ZNF518A: variants seen among roughly 807,000 people sequenced by gnomAD.
ZNF518A encodes zinc finger protein 518A, also known as zinc finger protein 518.
A neutral mutation model predicts 102.7 loss-of-function variants in ZNF518A; 47 were observed. The ratio of observed to expected loss-of-function variants is 0.46; its 90% confidence interval spans 0.36 to 0.58. The LOEUF (loss-of-function observed/expected upper bound fraction) is 0.58. Among genes scored for constraint, ZNF518A ranks in the 20% least tolerant of loss-of-function variants. ZNF518A has a pLI of 0.00. For missense variants in ZNF518A, 1,793 were observed against 1,699.8 expected (o/e 1.05, Z -0.96); for synonymous variants, 652 against 594.6 (o/e 1.10, Z -1.40).
In ZNF518A at chr10:96,160,916, A is replaced by C. The variant is rs1471519978; in HGVS notation, c.*142A>C. 5.3e-6 allele frequency: 5 copies of C among 934,850 alleles called. No homozygotes were observed. Among genetic ancestry groups the C allele is most frequent in the Non-Finnish European group, 7.4e-6 (5 of 673,254 alleles). The allele number at this position is 934,850 out of a possible 1,614,324, so 57.9% of individuals were successfully genotyped here. A position where few individuals can be genotyped will look rare whatever the true frequency, so the allele number is the denominator to read the frequency against. On this transcript the variant is annotated 3_prime_UTR_variant, in exon 6 of 6. Coordinates refer to ENST00000316045, the MANE Select transcript of ZNF518A (RefSeq NM_001330736.2). ...TAAAAGTTGATTGTATTTCTGTGGA[A>C]GAGTAAAAGTTGTATGTATGATATT...
intron 3 of ZNF518A, among the ~76,000 whole-genome samples, chr10:96,139,168 A>G (rs1186728784): frequency 1.3e-5 from 2 of 152,094 alleles, no homozygotes; most frequent in East Asian, 3.9e-4. Flanking sequence ...GTATATGTAC[A>G]ATGGGGAGAG....
chr10:96,203,805 G>T, intron 2 of ZNF518A: 1 of 327,524 alleles, frequency 3.1e-6, no homozygotes, highest in Non-Finnish European at 5.6e-6. Context: ...AGTTAAAAAA[G>T]GATGCATGAT....
intron 1 of ZNF518A, among the ~76,000 whole-genome samples, chr10:96,183,998 C>T (rs1036986920): frequency 7.9e-5 from 12 of 152,034 alleles, no homozygotes; most frequent in African/African-American, 1.2e-4. Context: ...TGGGTGCTCC[C>T]GTATTGGGTG....
chr10:96,129,945 GA>G (rs1269262244), upstream of ZNF518A: 8 of 152,702 alleles, frequency 5.2e-5, no homozygotes, highest in African/African-American at 1.9e-4. Context: ...AGTCTCGTCA[GA>G]CCGAGCGCGG....
intron 1 of ZNF518A, among the ~76,000 whole-genome samples, chr10:96,175,606 G>T (rs1300769494): frequency 6.6e-6 from 1 of 152,168 alleles, no homozygotes; most frequent in Admixed American, 6.5e-5. Flanking sequence ...GAAAGGGGTT[G>T]GTGAGTGGAA....
At chr10:96,204,628 A>T (rs782369962), downstream of ZNF518A, 2 of 1,613,402 alleles carry the variant, frequency 1.2e-6, no homozygotes, top group Non-Finnish European at 8.5e-7. Context: ...TGGATCAGGA[A>T]AATTATCATA....
intron 3 of ZNF518A, among the ~76,000 whole-genome samples, chr10:96,154,027 A>G (rs1277632203): frequency 1.3e-5 from 2 of 152,200 alleles, no homozygotes; most frequent in African/African-American, 2.4e-5. Context: ...CTACCTCTTC[A>G]TATATTCCAT....
rs782618989 is a variant in ZNF518A at position 96,158,222 on chromosome 10, C to G, written c.1900C>G (p.Gln634Glu). 6.2e-6 allele frequency: 10 copies of G among 1,613,670 alleles called. No individual in the cohort carries two copies. Among genetic ancestry groups the G allele is most frequent in the Non-Finnish European group, 8.5e-6 (10 of 1,179,754 alleles). ...NCELPVESSNQGSLPFHNYSK... is the reference protein window; with the variant it reads ...NCELPVESSNEGSLPFHNYSK... ...TGAGTTACCTGTTGAATCCTCCAAC[C>G]AAGGATCATTACCTTTTCATAATTA... Residue 634 changes from glutamine to glutamate, a missense_variant, in exon 6 of 6, where the codon CAA (glutamine) becomes GAA (glutamate). By Grantham distance (29) the Gln-to-Glu change is conservative. Coordinates refer to ENST00000316045, the MANE Select transcript of ZNF518A (RefSeq NM_001330736.2).
intron 1 of ZNF518A, among the ~76,000 whole-genome samples, chr10:96,182,275 A>AC (rs1367270680): frequency 1.3e-5 from 2 of 152,210 alleles, no homozygotes; most frequent in African/African-American, 4.8e-5. Context: ...TCATCTGCAA[A>AC]CAGGGACAGT....
chr10:96,159,534 A>G lies in ZNF518A; in HGVS notation c.3212A>G (p.Gln1071Arg), dbSNP rs782404594. The G allele has an allele frequency of 3.1e-6, 5 of 1,613,776 alleles. No homozygotes were observed. Among genetic ancestry groups the G allele is most frequent in the Non-Finnish European group, 4.2e-6 (5 of 1,179,808 alleles). ...CTTATTCCTAACATGCTATCTGAGC[A>G]ACAGAGCACTAAGTTGAATATCTCC... ...AVLIPNMLSE[Q>R]QSTKLNISDS... Residue 1071 changes from glutamine (Q) to arginine (R), a missense_variant, in exon 6 of 6, where the codon CAA becomes CGA. By Grantham distance (43) the Gln-to-Arg change is conservative (BLOSUM62 1). This residue lies in a region of ZNF518A where 1,741 missense variants were observed against 1,622.6 expected (regional missense o/e 1.07). Transcript: ENST00000316045.
intron 1 of ZNF518A, among the ~76,000 whole-genome samples, chr10:96,173,516 CATT>C (rs1195066095): frequency 2.0e-5 from 3 of 152,070 alleles, no homozygotes; most frequent in East Asian, 1.9e-4. Flanking sequence ...TTTCAAAAAA[CATT>C]ATTAACTATA....
Position 96,160,348 on chromosome 10 carries a change from G to T in ZNF518A, c.4026G>T (p.Arg1342Ser), listed in dbSNP as rs782208150. ...FSSKQLVKCPRRNQPVVVLNH... is the reference protein window; with the variant it reads ...FSSKQLVKCPSRNQPVVVLNH... ...CTAAACAGCTTGTGAAATGTCCTAG[G>T]AGAAACCAACCAGTTGTAGTTTTGA... Residue 1342 changes from arginine to serine, a missense_variant, in exon 6 of 6, where the codon AGG (arginine) becomes AGT (serine). Transcript: ENST00000316045. 6 of 1,613,600 alleles carry T rather than the reference G, an allele frequency of 3.7e-6. No homozygotes were observed. In the Admixed American group the frequency reaches 1.0e-4, roughly 27 times the overall value.
chr10:96,193,763 C>T (rs2083388072), intron 1 of ZNF518A, among the ~76,000 whole-genome samples: 1 of 152,088 alleles, frequency 6.6e-6, no homozygotes, highest in South Asian at 2.1e-4. Flanking sequence ...CACACAGTGC[C>T]AAAATAGCTG....
intron 1 of ZNF518A, among the ~76,000 whole-genome samples, chr10:96,180,409 A>G (rs1554891915): frequency 6.6e-6 from 1 of 151,548 alleles, no homozygotes; most frequent in Non-Finnish European, 1.5e-5. Flanking sequence ...GGTTTGTTAC[A>G]TATGTATACA....
At chr10:96,147,594 A>G (rs1172466861) in intron 3 of ZNF518A, among the ~76,000 whole-genome samples, 1 of 152,208 alleles carries the variant, frequency 6.6e-6, no homozygotes, top group Non-Finnish European at 1.5e-5. Context: ...GGCAAAATGT[A>G]GAATTCTCGG....
rs782460875 is a variant in ZNF518A, at chr10:96,156,928, T to C, written c.606T>C (p.Cys202=). Residue 202 remains cysteine, a synonymous_variant, in exon 6 of 6, where the codon TGT becomes TGC. Transcript: ENST00000316045. ...CAAAGCATTTCACATCCACACATTG[T>C]GTTAATGGTAATTTTCAATGTGAAA... is the stretch of plus-strand genomic sequence containing the variant. ...NLTKHFTSTH[C]VNGNFQCEKC... is the part of the protein sequence containing the mutation. 6.2e-7 allele frequency: 1 copy of C among 1,613,892 alleles called. No individual in the cohort carries two copies. Among genetic ancestry groups the C allele is most frequent in the Non-Finnish European group, 8.5e-7 (1 of 1,179,812 alleles).
chr10:96,133,931 A>G (rs1450400404), intron 3 of ZNF518A, among the ~76,000 whole-genome samples: 2 of 152,192 alleles, frequency 1.3e-5, no homozygotes, highest in Non-Finnish European at 2.9e-5. Flanking sequence ...ACTTTTTCCT[A>G]TATAATATTT....
chr10:96,200,925 G>T lies in ZNF518A; in HGVS notation n.36-2649G>T, dbSNP rs1258179258. 19 of 1,459,740 alleles carry T rather than the reference G, an allele frequency of 1.3e-5. No homozygotes were observed. Among genetic ancestry groups the T allele is most frequent in the Non-Finnish European group, 1.8e-5 (19 of 1,039,654 alleles). The allele number at this position is 1,459,740 out of a possible 1,614,324, so 90.4% of individuals were successfully genotyped here. On this transcript the variant is annotated intron_variant and non_coding_transcript_variant, in intron 1 of 2. Transcript: ENST00000442635. The surrounding 1 kb of genome is among the most constrained non-coding windows in gnomAD (Gnocchi z 4.3). Reference sequence around the variant, plus strand: ...CAAATGTCTTCTTCTCAGAAGACATGCTCTTTCCTGCAGTTTCCTGGTAAC... The same window carrying T: ...CAAATGTCTTCTTCTCAGAAGACATTCTCTTTCCTGCAGTTTCCTGGTAAC...
Position 96,159,518 on chromosome 10 carries a change from A to G in ZNF518A, c.3196A>G (p.Asn1066Asp). 2 of 1,613,866 alleles carry G rather than the reference A, an allele frequency of 1.2e-6. No individual in the cohort carries two copies. Among genetic ancestry groups the G allele is most frequent in the Non-Finnish European group, 1.7e-6 (2 of 1,179,790 alleles). The stretch of plus-strand genomic sequence containing the variant: ...TTCTGTGAAAGCTGTTCTTATTCCT[A>G]ACATGCTATCTGAGCAACAGAGCAC... ...TSSVKAVLIP[N>D]MLSEQQSTKL... The change falls in exon 6 of 6, where the codon AAC (asparagine) becomes GAC (aspartate). Residue 1066 changes from asparagine (N) to aspartate (D), a missense_variant. By Grantham distance (23) the Asn-to-Asp change is conservative. Around this residue, in one of 3 missense-constraint regions of ZNF518A, gnomAD observed 1,741 missense variants for 1,622.6 expected, o/e 1.07. Transcript: ENST00000316045.
Sources: allele counts gnomAD v4.1 joint callset (sites outside exome capture counted in the v4.1 genomes callset), GRCh38; gene constraint gnomAD v4.1.1; regional missense constraint gnomAD v4.1.1; non-coding constraint Gnocchi (gnomAD v3.1); transcripts MANE v1.5; gene names NCBI Gene and HGNC (gene_info 2026-07-23, HGNC 2026-07-21).